Variants in RAD18 observed in about 807,000 individuals in gnomAD.
The protein encoded by RAD18 is E3 ubiquitin-protein ligase RAD18.
A neutral mutation model predicts 60.4 loss-of-function variants in RAD18; 47 were observed. That is an observed-to-expected ratio of 0.78 (90% confidence interval 0.62 to 0.99). RAD18 has a LOEUF of 0.99. Among genes scored for constraint, RAD18 ranks in the 50% least tolerant of loss-of-function variants. RAD18 has a pLI of 0.00. For synonymous variants in RAD18, 225 were observed against 195.5 expected, an observed-to-expected ratio of 1.15 and a Z score of -1.26; for missense variants, 640 against 593.3, an observed-to-expected ratio of 1.08 and a Z score of -0.82.
intron 2 of RAD18, among the ~76,000 whole-genome samples, chr3:8,954,733 A>C (rs929229813): frequency 5.3e-5 from 8 of 152,244 alleles, no homozygotes; most frequent in Non-Finnish European, 1.0e-4. Context: ...GAAAAATCTA[A>C]GAAGCAACAA....
intron 11 of RAD18, among the ~76,000 whole-genome samples, chr3:8,892,284 G>A: frequency 6.6e-6 from 1 of 152,304 alleles, no homozygotes; most frequent in Non-Finnish European, 1.5e-5. Flanking sequence ...CTGGATGAAT[G>A]TAAGGTTTGG....
chr3:8,941,111 G>A (rs1940739925), intron 5 of RAD18, among the ~76,000 whole-genome samples: 1 of 152,222 alleles, frequency 6.6e-6, no homozygotes, highest in Non-Finnish European at 1.5e-5. Flanking sequence ...AGGCAGAACA[G>A]TGAGGAGGCA....
chr3:8,907,540 C>G (rs942150497), intron 9 of RAD18, among the ~76,000 whole-genome samples: 1 of 152,120 alleles, frequency 6.6e-6, no homozygotes, highest in African/African-American at 2.4e-5. Flanking sequence ...TGCCATGCCC[C>G]TATCCTTTGC....
At chr3:8,896,084 C>G (rs182659795) in intron 11 of RAD18, among the ~76,000 whole-genome samples, 9 of 152,228 alleles carry the variant, frequency 5.9e-5, no homozygotes, top group Non-Finnish European at 1.0e-4. Flanking sequence ...AGTGAACTAA[C>G]CCAAGCCCAT....
intron 7 of RAD18, among the ~76,000 whole-genome samples, chr3:8,923,230 G>C (rs1375006709): frequency 1.3e-5 from 2 of 152,184 alleles, no homozygotes; most frequent in East Asian, 3.8e-4. Flanking sequence ...TGACCTGATG[G>C]AGCTGAAAAC....
chr3:8,878,696 C>T lies in RAD18; in HGVS notation c.*2661G>A, dbSNP rs560794661. ...AGACCAGTAATCCTCAACATGAGGT[C>T]GAAAAAGAAAGACGAGAGTAGAGGA... On this transcript the variant is annotated 3_prime_UTR_variant, in exon 13 of 13. Transcript: ENST00000264926. 1 of 152,152 alleles carries T rather than the reference C, an allele frequency of 6.6e-6. No homozygotes were observed. Among genetic ancestry groups the T allele is most frequent in the African/African-American group, 2.4e-5 (1 of 41,486 alleles). 9.4% of individuals were successfully genotyped at this position (152,152 alleles called of 1,614,324 possible).
chr3:8,903,922 T>C (rs1036804569), intron 9 of RAD18, among the ~76,000 whole-genome samples: 1 of 152,208 alleles, frequency 6.6e-6, no homozygotes, highest in Admixed American at 6.5e-5. Context: ...AGGGAAAAAA[T>C]TGTGCTTCAG....
chr3:8,925,270 A>C (rs1940412450), intron 7 of RAD18, among the ~76,000 whole-genome samples: 1 of 152,210 alleles, frequency 6.6e-6, no homozygotes. Context: ...CCATCAGAGA[A>C]TACTATAAAC....
At chr3:8,925,902 G>C (rs1369400023) in intron 7 of RAD18, among the ~76,000 whole-genome samples, 1 of 152,116 alleles carries the variant, frequency 6.6e-6, no homozygotes, top group Non-Finnish European at 1.5e-5. Context: ...GGTATTCATG[G>C]GACGTACCTC....
intron 10 of RAD18, among the ~76,000 whole-genome samples, chr3:8,899,807 T>A (rs1939869890): frequency 6.6e-6 from 1 of 152,318 alleles, no homozygotes; most frequent in South Asian, 2.1e-4. Flanking sequence ...TTTTCATCTG[T>A]GCTGTCCTTA....
At chr3:8,910,331 T>C (rs969360952) in intron 9 of RAD18, among the ~76,000 whole-genome samples, 2 of 152,232 alleles carry the variant, frequency 1.3e-5, no homozygotes, top group African/African-American at 4.8e-5. Context: ...CCAGGTGCAG[T>C]GGCTCACGCC....
intron 7 of RAD18, among the ~76,000 whole-genome samples, chr3:8,925,044 A>T: frequency 6.6e-6 from 1 of 150,912 alleles, no homozygotes; most frequent in East Asian, 1.9e-4. Context: ...AGCAGAAGGC[A>T]AGAAATAACT....
At chr3:8,893,827 T>C (rs1939739841) in intron 11 of RAD18, among the ~76,000 whole-genome samples, 1 of 151,682 alleles carries the variant, frequency 6.6e-6, no homozygotes, top group South Asian at 2.1e-4. Flanking sequence ...TCCTGAGTAG[T>C]TATAGGTGCA....
intron 2 of RAD18, 68 bp downstream of exon 2, chr3:8,958,852 G>T: frequency 8.4e-7 from 1 of 1,187,156 alleles, no homozygotes; most frequent in Non-Finnish European, 1.3e-6. Context: ...CATATCTTTG[G>T]TGTTAAATTA....
chr3:8,934,011 A>G (rs1308771459), intron 7 of RAD18, among the ~76,000 whole-genome samples: 1 of 152,252 alleles, frequency 6.6e-6, no homozygotes, highest in Non-Finnish European at 1.5e-5. Context: ...GCTGATTCTC[A>G]GCCAAGACTT....
intron 1 of RAD18, 53 bp downstream of exon 1, chr3:8,963,282 G>T: frequency 6.5e-7 from 1 of 1,538,644 alleles, no homozygotes. Context: ...CTCAAAGGGA[G>T]GGACCTCCCC....
intron 9 of RAD18, among the ~76,000 whole-genome samples, chr3:8,910,707 G>C (rs1940092607): frequency 6.6e-6 from 1 of 152,064 alleles, no homozygotes; most frequent in African/African-American, 2.4e-5. Flanking sequence ...TAAATACTGA[G>C]CTTACAAAAA....
At chr3:8,926,756 A>G (rs528650949) in intron 7 of RAD18, among the ~76,000 whole-genome samples, 3,646 of 152,274 alleles carry the variant, frequency 0.024, 133 homozygotes, top group African/African-American at 0.08. Flanking sequence ...ATAATGCCGC[A>G]TATCTACGAC....
rs948231875 is a variant in RAD18, at chr3:8,893,998, C to A, written c.1323-3547G>T. Among the ~76,000 whole-genome samples, 117 of 152,094 alleles carry A rather than the reference C, an allele frequency of 7.7e-4. 2 individuals are homozygous for A. Among genetic ancestry groups the A allele is most frequent in the Non-Finnish European group, 2.8e-4 (19 of 68,014 alleles). On this transcript the variant is annotated intron_variant, in intron 11 of 12. Transcript: ENST00000264926. ...TGTGAGCCACCACATCCAGCCTTCA[C>A]ATTAGCTTTAATTCACAGAAGCACC...
Sources: allele counts gnomAD v4.1 joint callset (sites outside exome capture counted in the v4.1 genomes callset), GRCh38; gene constraint gnomAD v4.1.1; transcripts MANE v1.5; gene names NCBI Gene and HGNC (gene_info 2026-07-23, HGNC 2026-07-21).